Variants in CTIF observed in about 807,000 individuals in gnomAD.
The protein encoded by CTIF is CBP80/20-dependent translation initiation factor.
CTIF carries 21 observed loss-of-function variants against 66.0 expected under a neutral mutation model. The observed-to-expected ratio is 0.32, with a 90% CI of 0.23 to 0.46. The LOEUF (loss-of-function observed/expected upper bound fraction) is 0.46, where lower values mean the gene tolerates loss of function less well. Among genes scored for constraint, CTIF ranks in the 20% least tolerant of loss-of-function variants. CTIF has a pLI of 1.00. For missense variants in CTIF, 739 were observed against 812.7 expected (o/e 0.91, Z 1.10); for synonymous variants, 345 against 326.4 (o/e 1.06, Z -0.62).
At chr18:48,800,888 A>C (rs576130523) in intron 9 of CTIF, among the ~76,000 whole-genome samples, 15 of 152,294 alleles carry the variant, frequency 9.8e-5, no homozygotes, top group South Asian at 6.2e-4. Flanking sequence ...TTGTTTTTCC[A>C]AACTCAATCT....
chr18:48,807,949 C>T (rs535418901), intron 9 of CTIF, among the ~76,000 whole-genome samples: 1 of 152,138 alleles, frequency 6.6e-6, no homozygotes, highest in African/African-American at 2.4e-5. Flanking sequence ...TTGTTGGGTG[C>T]TTAGGTTTTT....
chr18:48,852,138 G>A (rs927024100), intron 10 of CTIF, among the ~76,000 whole-genome samples: 1 of 149,208 alleles, frequency 6.7e-6, no homozygotes, highest in African/African-American at 2.5e-5. Flanking sequence ...GGAGGCTGAG[G>A]CTGGAAGATT....
rs1201229125 is a variant in CTIF, at chr18:48,685,225, CT to C, written c.507+14492del. On this transcript the variant is annotated intron_variant, in intron 6 of 11. Coordinates refer to ENST00000256413, the MANE Select transcript of CTIF (RefSeq NM_014772.3). ...GTTTCTTCATAATTGAGTTTGTGTA[CT>C]TTTTTTTTTTCTTGAGATGGAGTTT... 2.8e-3 allele frequency among the ~76,000 whole-genome samples: 414 copies of C among 146,720 alleles called. 1 individual carries two copies. Among genetic ancestry groups the C allele is most frequent in the African/African-American group, 9.2e-3 (369 of 40,274 alleles).
intron 9 of CTIF, among the ~76,000 whole-genome samples, chr18:48,765,823 A>G (rs1305279913): frequency 6.6e-6 from 1 of 152,074 alleles, no homozygotes; most frequent in Non-Finnish European, 1.5e-5. Context: ...CAGTTTTTAC[A>G]TCCAAGCCAA....
chr18:48,749,386 G>A (rs2145806214), intron 7 of CTIF, among the ~76,000 whole-genome samples: 1 of 152,322 alleles, frequency 6.6e-6, no homozygotes, highest in African/African-American at 2.4e-5. Flanking sequence ...AATGTTGGGT[G>A]ATGAAGACTT....
At chr18:48,781,483 G>A (rs1396440893) in intron 9 of CTIF, among the ~76,000 whole-genome samples, 4 of 152,230 alleles carry the variant, frequency 2.6e-5, no homozygotes, top group Admixed American at 2.0e-4. Flanking sequence ...GGAGGAAACG[G>A]GCTGGAGAGG....
chr18:48,638,324 G>C (rs1050764411), intron 3 of CTIF, among the ~76,000 whole-genome samples: 1 of 152,176 alleles, frequency 6.6e-6, no homozygotes, highest in Non-Finnish European at 1.5e-5. Flanking sequence ...GCTCTCTGCT[G>C]TTTGGTCAGC....
intron 9 of CTIF, among the ~76,000 whole-genome samples, chr18:48,788,357 C>T (rs989906194): frequency 6.6e-6 from 1 of 152,148 alleles, no homozygotes. Context: ...ACATTTCAGG[C>T]CAGAATTCCA....
intron 9 of CTIF, among the ~76,000 whole-genome samples, chr18:48,766,060 G>A (rs1308187881): frequency 3.3e-5 from 5 of 149,852 alleles, no homozygotes; most frequent in South Asian, 2.1e-4. Flanking sequence ...CCATTAACTC[G>A]TCATTTAACA....
chr18:48,816,717 G>A (rs910627321), intron 9 of CTIF, among the ~76,000 whole-genome samples: 2 of 152,236 alleles, frequency 1.3e-5, no homozygotes, highest in Non-Finnish European at 2.9e-5. Context: ...GGCTGTAGCT[G>A]TGTAGCCCAG....
At chr18:48,842,127 G>T (rs2068959161) in intron 10 of CTIF, among the ~76,000 whole-genome samples, 1 of 152,192 alleles carries the variant, frequency 6.6e-6, no homozygotes, top group Admixed American at 6.5e-5. Context: ...GAGCTGCCTT[G>T]GTGGCTGTTT....
In CTIF at chr18:48,701,715, A is replaced by G. The variant is rs150472571; in HGVS notation, c.508-9904A>G. On this transcript the variant is annotated intron_variant, in intron 6 of 11. Transcript: ENST00000256413. ...TTGGTCCCTAGTCCCTGTTCTTTGC[A>G]TCAGTGTCCTCACCTATTTTATCTG... Among the ~76,000 whole-genome samples the G allele has an allele frequency of 3.3e-3, 498 of 152,354 alleles. 2 individuals carry two copies. The highest frequency in any genetic ancestry group is 3.4e-3 in the Non-Finnish European group (233 of 68,028).
At chr18:48,657,793 A>G (rs542201748) in intron 3 of CTIF, among the ~76,000 whole-genome samples, 3 of 152,296 alleles carry the variant, frequency 2.0e-5, no homozygotes, top group South Asian at 2.1e-4. Context: ...CAGGAAGAGT[A>G]TAGTAGCCTA....
At chr18:48,843,409 C>T (rs963756532) in intron 10 of CTIF, among the ~76,000 whole-genome samples, 5 of 152,142 alleles carry the variant, frequency 3.3e-5, no homozygotes, top group Non-Finnish European at 5.9e-5. Flanking sequence ...CTTGCAGGCT[C>T]AGGTGCCGCC....
intron 1 of CTIF, among the ~76,000 whole-genome samples, chr18:48,610,340 C>A (rs1243000421): frequency 1.3e-5 from 2 of 151,882 alleles, no homozygotes; most frequent in Non-Finnish European, 2.9e-5. Flanking sequence ...GAAACAGGGG[C>A]ACCCAGGGAT....
At chr18:48,560,203 G>T (rs1220047085) in intron 1 of CTIF, among the ~76,000 whole-genome samples, 1 of 151,326 alleles carries the variant, frequency 6.6e-6, no homozygotes, top group Non-Finnish European at 1.5e-5. Context: ...TTGTTAGGAG[G>T]AATTTCATAG....
intron 1 of CTIF, among the ~76,000 whole-genome samples, chr18:48,578,740 A>C (rs916720770): frequency 1.2e-4 from 18 of 152,334 alleles, no homozygotes; most frequent in South Asian, 8.3e-4. Flanking sequence ...GTATACTCTA[A>C]ATACTAGACC....
chr18:48,622,230 ACCC>A (rs772853288), intron 2 of CTIF, among the ~76,000 whole-genome samples: 10 of 152,110 alleles, frequency 6.6e-5, no homozygotes, highest in Non-Finnish European at 1.0e-4. Flanking sequence ...ATTGGAGGCC[ACCC>A]AAAGAATTGT....
chr18:48,707,183 G>T (rs1258375093), intron 6 of CTIF, among the ~76,000 whole-genome samples: 3 of 152,322 alleles, frequency 2.0e-5, no homozygotes, highest in East Asian at 3.9e-4. Flanking sequence ...CATAGTAGAA[G>T]GATTTGCTGA....
Sources: allele counts gnomAD v4.1 joint callset (sites outside exome capture counted in the v4.1 genomes callset), GRCh38; gene constraint gnomAD v4.1.1; transcripts MANE v1.5; gene names NCBI Gene and HGNC (gene_info 2026-07-23, HGNC 2026-07-21).